Variants in IGLON5 observed in about 807,000 individuals in gnomAD.
IGLON5 encodes the protein IgLON family member 5.
In IGLON5, 16 loss-of-function variants were observed where a neutral mutation model predicts 38.2. That is an observed-to-expected ratio of 0.42 (90% CI 0.28 to 0.64). The LOEUF is 0.64. Among genes scored for constraint, IGLON5 ranks in the 30% least tolerant of loss-of-function variants. IGLON5 has a pLI of 0.23. For synonymous variants in IGLON5, 207 were observed against 216.4 expected (o/e 0.96, Z 0.38); for missense variants, 366 against 483.4 (o/e 0.76, Z 2.28).
At chr19:51,320,455 C>T (rs762770261) in intron 1 of IGLON5, among the ~76,000 whole-genome samples, 1 of 152,206 alleles carries the variant, frequency 6.6e-6, no homozygotes, top group African/African-American at 2.4e-5. Context: ...TCCCTCTCCG[C>T]CTGGTGCCAG....
Position 51,329,029 on chromosome 19 carries a change from C to A in IGLON5, c.*270C>A. ...GTGACCCACTCCCGCCACCCCATAC[C>A]CCTCTCTCTTAGCTCAGGCTGTCAA... On this transcript the variant is annotated 3_prime_UTR_variant, in exon 8 of 8. Coordinates refer to ENST00000270642, the MANE Select transcript of IGLON5 (RefSeq NM_001101372.3). This position sits in a 1 kb window ranked among gnomAD's most constrained non-coding sequence, Gnocchi z 4.3. 1 of 363,396 alleles carries A rather than the reference C, an allele frequency of 2.8e-6. No homozygotes were observed. The highest frequency in any genetic ancestry group is 2.1e-5 in the African/African-American group (1 of 46,940). 22.5% of individuals were successfully genotyped at this position (363,396 alleles called of 1,614,324 possible).
chr19:51,311,689 T>A lies in IGLON5; in HGVS notation c.-159T>A, dbSNP rs1431961532. ...CGGGTCTGCAGCAGCTCCAGCCGCCTCGTCGCGCCCCCCCAGCCCCCTCCC... is the reference window on the plus strand; with the variant it reads ...CGGGTCTGCAGCAGCTCCAGCCGCCACGTCGCGCCCCCCCAGCCCCCTCCC... On this transcript the variant is annotated 5_prime_UTR_variant, in exon 1 of 8. Transcript: ENST00000270642. 9.7e-6 allele frequency among the ~76,000 whole-genome samples: 1 copy of A among 103,572 alleles called. No individual in the cohort carries two copies. The highest frequency in any genetic ancestry group is 2.0e-5 in the Non-Finnish European group (1 of 49,716). The allele number at this position is 103,572 out of a possible 152,430, so 67.9% of individuals were successfully genotyped here. A position where few individuals can be genotyped will look rare whatever the true frequency, so the allele number is the denominator to read the frequency against.
rs757324247 is a variant in IGLON5 at position 51,328,703 on chromosome 19, C to T, written c.955C>T (p.Pro319Ser). 3.1e-6 allele frequency: 5 copies of T among 1,597,188 alleles called. No individual in the cohort carries two copies. The highest frequency in any genetic ancestry group is 2.3e-5 in the East Asian group (1 of 43,996). The change falls in exon 8 of 8, where the codon CCC becomes TCC. Residue 319 changes from proline (P) to serine (S), a missense_variant. Transcript: ENST00000270642. Reference sequence around the variant, plus strand: ...ATCCCTGGAGAACTCAGCCCCGAGGCCCCCAGGGCTCCTGGCCCTCCTCTC... The same window carrying T: ...ATCCCTGGAGAACTCAGCCCCGAGGTCCCCAGGGCTCCTGGCCCTCCTCTC... ...PGSLENSAPR[P>S]PGLLALLSAL... is the part of the protein sequence containing the mutation.
chr19:51,316,709 G>C (rs1480142955), intron 1 of IGLON5, among the ~76,000 whole-genome samples: 1 of 152,004 alleles, frequency 6.6e-6, no homozygotes, highest in African/African-American at 2.4e-5. Context: ...GGTCAGGCTA[G>C]TCTCGAACTC....
rs1273593206 is a variant in IGLON5, at chr19:51,329,598, G to A, written c.*839G>A. The stretch of plus-strand genomic sequence containing the variant: ...TCCAACTGTCAGACTGGTGGCAGGA[G>A]TCACCTGTCTGTTTCAGTGCTTTGC... On this transcript the variant is annotated 3_prime_UTR_variant, in exon 8 of 8. Transcript: ENST00000270642. The surrounding 1 kb of genome is among the most constrained non-coding windows in gnomAD (Gnocchi z 4.3). The A allele has an allele frequency of 1.3e-5, 2 of 152,216 alleles. No homozygotes were observed. The highest frequency in any genetic ancestry group is 1.5e-5 in the Non-Finnish European group (1 of 68,070). The allele number at this position is 152,216 out of a possible 1,614,324, so 9.4% of individuals were successfully genotyped here. A position where few individuals can be genotyped will look rare whatever the true frequency, so the allele number is the denominator to read the frequency against.
Position 51,323,779 on chromosome 19 carries a change from C to T in IGLON5, c.276C>T (p.Pro92=), listed in dbSNP as rs200499741. 5.1e-4 allele frequency: 830 copies of T among 1,613,940 alleles called. 7 individuals carry two copies. The South Asian group carries it at 8.3e-3, about 16-fold the overall frequency. ...GGGTGCGGCTGCTCATCAACACCCC[C>T]GAGGAGTTCTCCATCCTCATCACCG... ...DPRVRLLINT[P]EEFSILITEV... is the part of the protein sequence containing the mutation. The change falls in exon 3 of 8, where the codon CCC becomes CCT. Residue 92 remains proline (P), a synonymous_variant. Coordinates refer to ENST00000270642, the MANE Select transcript of IGLON5 (RefSeq NM_001101372.3).
In IGLON5 at chr19:51,327,231, C is replaced by A; in HGVS notation, c.767+31C>A. 1 of 1,589,686 alleles carries A rather than the reference C, an allele frequency of 6.3e-7. No individual in the cohort carries two copies. On this transcript the variant is annotated intron_variant, in intron 6 of 7. Transcript: ENST00000270642. This position sits in a 1 kb window ranked among gnomAD's most constrained non-coding sequence, Gnocchi z 7.1. Reference sequence around the variant, plus strand: ...GACAGCACTGAGGGGGCCGTGGGAGCGGGAAGGGGAGGTCTTTAGTCCCTT... The same window carrying A: ...GACAGCACTGAGGGGGCCGTGGGAGAGGGAAGGGGAGGTCTTTAGTCCCTT...
Position 51,326,895 on chromosome 19 carries a change from A to T in IGLON5, c.643A>T (p.Asn215Tyr), listed in dbSNP as rs1343742459. The change falls in exon 5 of 8, where the codon AAC becomes TAC. Residue 215 changes from asparagine to tyrosine, a missense_variant. By Grantham distance (143) the Asn-to-Tyr change is moderately radical. Coordinates refer to ENST00000270642, the MANE Select transcript of IGLON5 (RefSeq NM_001101372.3). The stretch of plus-strand genomic sequence containing the variant: ...CAGCCGCCGCGTGCTGGTCACAGTC[A>T]ACTGTGAGCCCCCCTGGCACTGGGC... ...PDSRRVLVTV[N>Y]YPPTITDVTS... 14 of 1,569,208 alleles carry T rather than the reference A, an allele frequency of 8.9e-6. No individual in the cohort carries two copies. The highest frequency in any genetic ancestry group is 5.6e-5 in the Admixed American group (3 of 53,162).
At chr19:51,323,068 G>A (rs542807641) in intron 2 of IGLON5, among the ~76,000 whole-genome samples, 10 of 126,906 alleles carry the variant, frequency 7.9e-5, no homozygotes, top group African/African-American at 2.8e-4. Context: ...TTTCTCTCTG[G>A]GTGTCTGTAT....
At chr19:51,326,264 T>A (rs1756245088) in intron 4 of IGLON5, among the ~76,000 whole-genome samples, 1 of 152,036 alleles carries the variant, frequency 6.6e-6, no homozygotes, top group Admixed American at 6.6e-5. Context: ...ATGCCCTAAG[T>A]CCCAGAGGGT....
chr19:51,327,611 G>A lies in IGLON5; in HGVS notation c.768-121G>A. 1 of 1,387,040 alleles carries A rather than the reference G, an allele frequency of 7.2e-7. No homozygotes were observed. Among genetic ancestry groups the A allele is most frequent in the Non-Finnish European group, 9.7e-7 (1 of 1,035,220 alleles). The allele number at this position is 1,387,040 out of a possible 1,614,324, so 85.9% of individuals were successfully genotyped here. On this transcript the variant is annotated intron_variant, in intron 6 of 7. Transcript: ENST00000270642. This position sits in a 1 kb window ranked among gnomAD's most constrained non-coding sequence, Gnocchi z 7.1. ...GGTACATGAGGTGCTAGAACCCGAGGCGATGGGTCACTGGGGTAGGGGGCA... is the reference window on the plus strand; with the variant it reads ...GGTACATGAGGTGCTAGAACCCGAGACGATGGGTCACTGGGGTAGGGGGCA...
At chr19:51,321,118 G>A (rs867964789) in intron 1 of IGLON5, among the ~76,000 whole-genome samples, 14 of 152,220 alleles carry the variant, frequency 9.2e-5, no homozygotes, top group Admixed American at 2.6e-4. Context: ...ATGTCTGTGC[G>A]TGTAGACCAT....
rs114636939 is a variant in IGLON5 at position 51,312,240 on chromosome 19, G to T, written c.79+314G>T. Among the ~76,000 whole-genome samples the T allele has an allele frequency of 9.7e-3, 1,474 of 152,040 alleles. 24 individuals are homozygous for T. The highest frequency in any genetic ancestry group is 0.033 in the African/African-American group (1,372 of 41,488). ...GCCCTGCCTGGGGGCAGGAGTCTGC[G>T]GCTCCTGTTGAGGAGGGGGCAGACA... On this transcript the variant is annotated intron_variant, in intron 1 of 7. Transcript: ENST00000270642.
At chr19:51,318,960 C>A (rs1233711553) in intron 1 of IGLON5, among the ~76,000 whole-genome samples, 1 of 152,150 alleles carries the variant, frequency 6.6e-6, no homozygotes, top group African/African-American at 2.4e-5. Flanking sequence ...TTGCCCCTTA[C>A]GGGGCATCTG....
chr19:51,321,793 G>C (rs1985062481), intron 1 of IGLON5, among the ~76,000 whole-genome samples: 1 of 152,212 alleles, frequency 6.6e-6, no homozygotes, highest in Non-Finnish European at 1.5e-5. Context: ...GTCTGTGTGG[G>C]CTCATGGGAA....
At position 51,311,924 on chromosome 19, in the gene IGLON5, G is replaced by C; in HGVS notation, c.77G>C (p.Arg26Pro). The C allele has an allele frequency of 7.4e-7, 1 of 1,345,532 alleles. No individual in the cohort carries two copies. Among genetic ancestry groups the C allele is most frequent in the Non-Finnish European group, 9.6e-7 (1 of 1,046,220 alleles). 83.3% of individuals were successfully genotyped at this position (1,345,532 alleles called of 1,614,324 possible). Residue 26 changes from arginine (R) to proline (P), a missense_variant and splice_region_variant, in exon 1 of 8, where the codon CGA becomes CCA. Physicochemically the swap from Arg to Pro is moderately radical, Grantham distance 103. Transcript: ENST00000270642. ...AALAGLAVIS[R>P]GLLSQSLEFN... is the part of the protein sequence containing the mutation. ...CTGGCCGGCTTGGCCGTCATCAGCCGAGGTACCGCAGCGCCGGGGGCGGGG... is the reference window on the plus strand; with the variant it reads ...CTGGCCGGCTTGGCCGTCATCAGCCCAGGTACCGCAGCGCCGGGGGCGGGG...
At chr19:51,322,775 TCTCTCTCTCTGGGTCTCTGCCCCC>T (rs1339260340) in intron 2 of IGLON5, among the ~76,000 whole-genome samples, 4 of 148,252 alleles carry the variant, frequency 2.7e-5, no homozygotes, top group Admixed American at 6.7e-5. Flanking sequence ...TCTCTTTCCC[TCTCTCTCTCTGGGTCTCTGCCCCC>T]CTCTCTCTCT....
At chr19:51,322,163 G>C in intron 2 of IGLON5, 21 bp downstream of exon 2, 1 of 1,587,734 alleles carries the variant, frequency 6.3e-7, no homozygotes, top group Non-Finnish European at 8.6e-7. Context: ...CGGTGGGTGG[G>C]GACTCAGATC....
chr19:51,317,891 T>C (rs1276844791), intron 1 of IGLON5, among the ~76,000 whole-genome samples: 3 of 152,176 alleles, frequency 2.0e-5, no homozygotes, highest in African/African-American at 7.2e-5. Context: ...GTGGGGGTCA[T>C]CCAGCTAGGA....
Sources: gnomAD v4.1 joint callset for allele counts (sites outside exome capture counted in the v4.1 genomes callset) on GRCh38, gnomAD v4.1.1 for gene constraint, Gnocchi (gnomAD v3.1) non-coding constraint, MANE v1.5 for transcripts, NCBI Gene and HGNC (gene_info 2026-07-23, HGNC 2026-07-21) for gene names.